The following SLC24A2 variants were observed in gnomAD, a reference collection of about 807,000 sequenced individuals.
SLC24A2 encodes the protein solute carrier family 24 member 2, also known as sodium/potassium/calcium exchanger 2.
In SLC24A2, 36 loss-of-function variants were observed where a neutral mutation model predicts 62.0. The ratio of observed to expected loss-of-function variants is 0.58; its 90% CI spans 0.44 to 0.77. SLC24A2 has a LOEUF of 0.77. Ranked by LOEUF, SLC24A2 falls within the 30% of genes least tolerant of loss-of-function variation. The pLI is 0.00. For synonymous variants in SLC24A2, 358 were observed against 294.0 expected (o/e 1.22, Z -2.23); for missense variants, 846 against 817.9 (o/e 1.03, Z -0.42).
intron 2 of SLC24A2, among the ~76,000 whole-genome samples, chr9:19,704,740 G>A (rs1309880486): frequency 6.6e-6 from 1 of 151,724 alleles, no homozygotes; most frequent in Non-Finnish European, 1.5e-5. Flanking sequence ...TAAGTGTGAA[G>A]GAGGTCTGTG....
In SLC24A2 at chr9:19,717,355, A is replaced by C. The variant is rs189767731; in HGVS notation, c.930+68582T>G. ...GAAGAAGATGCCTCACAAGTAGCCCAGTACACTCCAGTTTATTTTGAAATG... is the reference window on the plus strand; with the variant it reads ...GAAGAAGATGCCTCACAAGTAGCCCCGTACACTCCAGTTTATTTTGAAATG... On this transcript the variant is annotated intron_variant, in intron 2 of 10. Transcript: ENST00000341998. Among the ~76,000 whole-genome samples, 80 of 152,380 alleles carry C rather than the reference A, an allele frequency of 5.3e-4. 1 individual carries two copies. In the East Asian group the frequency reaches 0.013, roughly 25 times the overall value.
chr9:20,094,545 A>C, the SLC24A2 span, among the ~76,000 whole-genome samples: 1 of 152,208 alleles, frequency 6.6e-6, no homozygotes, highest in East Asian at 1.9e-4. Context: ...CAACAATATT[A>C]ACAAGTGTGA....
rs141319608 is a variant in SLC24A2, at chr9:19,532,874, T to G, written c.1480-4736A>C. 3.3e-3 allele frequency among the ~76,000 whole-genome samples: 498 copies of G among 152,346 alleles called. 5 individuals are homozygous for G. The highest frequency in any genetic ancestry group is 0.025 in the Admixed American group (390 of 15,296). On this transcript the variant is annotated intron_variant, in intron 8 of 10. Coordinates refer to ENST00000341998, the MANE Select transcript of SLC24A2 (RefSeq NM_020344.4). ...GGTCATGTTTTCATATCTCATTAGATGCATTCTTGTTTTGCAGGAGTATCT... is the reference window on the plus strand; with the variant it reads ...GGTCATGTTTTCATATCTCATTAGAGGCATTCTTGTTTTGCAGGAGTATCT...
chr9:20,242,850 T>A, the SLC24A2 span, among the ~76,000 whole-genome samples: 2 of 152,236 alleles, frequency 1.3e-5, no homozygotes, highest in African/African-American at 4.8e-5. Context: ...GGTGATCTAG[T>A]GCTGTCAGCG....
At chr9:19,910,658 A>G in the SLC24A2 span, among the ~76,000 whole-genome samples, 1 of 152,022 alleles carries the variant, frequency 6.6e-6, no homozygotes, top group Non-Finnish European at 1.5e-5. Context: ...GCCTGGAACA[A>G]CTTTTCTCAG....
intron 2 of SLC24A2, among the ~76,000 whole-genome samples, chr9:19,624,540 T>A (rs1394594482): frequency 2.0e-5 from 3 of 152,058 alleles, no homozygotes; most frequent in Admixed American, 2.0e-4. Flanking sequence ...ACATAAAAAG[T>A]GGAAGGAAAA....
chr9:20,124,052 G>A, the SLC24A2 span, among the ~76,000 whole-genome samples: 1 of 152,122 alleles, frequency 6.6e-6, no homozygotes, highest in Non-Finnish European at 1.5e-5. Context: ...TTTTGTGAAT[G>A]CACTGAAATG....
intron 8 of SLC24A2, among the ~76,000 whole-genome samples, chr9:19,547,883 T>C (rs1156827490): frequency 1.3e-5 from 2 of 151,736 alleles, no homozygotes; most frequent in East Asian, 3.8e-4. Flanking sequence ...CTTAGAAATG[T>C]CAGTGTGGTG....
chr9:19,640,282 T>C (rs1040737448), intron 2 of SLC24A2, among the ~76,000 whole-genome samples: 1 of 152,248 alleles, frequency 6.6e-6, no homozygotes, highest in African/African-American at 2.4e-5. Flanking sequence ...ACTCACTGCA[T>C]AAAGAAGAGC....
the SLC24A2 span, among the ~76,000 whole-genome samples, chr9:20,093,111 G>A: frequency 6.6e-6 from 1 of 150,932 alleles, no homozygotes; most frequent in Non-Finnish European, 1.5e-5. Flanking sequence ...CGATCTCGTT[G>A]CCCAGGCTGG....
the SLC24A2 span, among the ~76,000 whole-genome samples, chr9:20,079,549 C>A: frequency 3.9e-5 from 6 of 152,162 alleles, no homozygotes; most frequent in African/African-American, 1.4e-4. Context: ...ATTAACTCCT[C>A]CCTGGAACAG....
chr9:19,532,252 G>A (rs1465929132), intron 8 of SLC24A2, among the ~76,000 whole-genome samples: 2 of 152,022 alleles, frequency 1.3e-5, no homozygotes, highest in Admixed American at 6.6e-5. Flanking sequence ...GTGCCACCAT[G>A]CCCGGCTAAT....
At chr9:19,702,596 T>TA (rs1339922946) in intron 2 of SLC24A2, among the ~76,000 whole-genome samples, 1 of 152,186 alleles carries the variant, frequency 6.6e-6, no homozygotes, top group African/African-American at 2.4e-5. Context: ...TACATAATAA[T>TA]AGCTACAATA....
chr9:19,791,531 C>G (rs78285342), upstream of SLC24A2, among the ~76,000 whole-genome samples: 1 of 152,314 alleles, frequency 6.6e-6, no homozygotes, highest in African/African-American at 2.4e-5. Context: ...ATATTCGACT[C>G]AAGATTTGAC....
At chr9:20,137,532 T>C in the SLC24A2 span, among the ~76,000 whole-genome samples, 103 of 152,332 alleles carry the variant, frequency 6.8e-4, 1 homozygote, top group Non-Finnish European at 1.2e-3. Context: ...TGTCTGTATT[T>C]TGGCATGTGA....
the SLC24A2 span, among the ~76,000 whole-genome samples, chr9:20,219,419 G>C: frequency 6.6e-6 from 1 of 152,106 alleles, no homozygotes; most frequent in Non-Finnish European, 1.5e-5. Context: ...AATCACCTAG[G>C]GCTGAATTGT....
chr9:19,828,641 C>T, the SLC24A2 span, among the ~76,000 whole-genome samples: 1 of 152,232 alleles, frequency 6.6e-6, no homozygotes, highest in East Asian at 1.9e-4. Context: ...ACTCTCCCCA[C>T]CCCCAACGAC....
the SLC24A2 span, among the ~76,000 whole-genome samples, chr9:20,016,463 T>G: frequency 6.6e-6 from 1 of 152,224 alleles, no homozygotes; most frequent in African/African-American, 2.4e-5. Context: ...ATTTCCTGAG[T>G]ATGTTTTGCT....
the SLC24A2 span, among the ~76,000 whole-genome samples, chr9:20,023,410 G>A: frequency 6.6e-4 from 101 of 152,310 alleles, no homozygotes; most frequent in Middle Eastern, 6.8e-3. Flanking sequence ...GAGAGAATTA[G>A]CAGGCTTGGT....
Sources: allele counts gnomAD v4.1 joint callset (sites outside exome capture counted in the v4.1 genomes callset), GRCh38; gene constraint gnomAD v4.1.1; transcripts MANE v1.5; gene names NCBI Gene and HGNC (gene_info 2026-07-23, HGNC 2026-07-21).